ZNF766: variants seen among roughly 807,000 people sequenced by gnomAD.
The protein encoded by ZNF766 is zinc finger protein 766.
A neutral mutation model predicts 13.2 loss-of-function variants in ZNF766; 13 were observed. That is an observed-to-expected ratio of 0.98 (90% CI 0.64 to 1.56). The LOEUF (loss-of-function observed/expected upper bound fraction) is 1.56, where lower values mean the gene tolerates loss of function less well. Ranked by LOEUF, ZNF766 falls within the 40% of genes most tolerant of loss-of-function variation. The pLI is 0.00. For missense variants in ZNF766, 521 were observed against 552.2 expected, an observed-to-expected ratio of 0.94 and a Z score of 0.57; for synonymous variants, 178 against 187.6, an observed-to-expected ratio of 0.95 and a Z score of 0.42.
chr19:52,274,196 G>A (rs2657924), intron 1 of ZNF766, among the ~76,000 whole-genome samples: 51,209 of 151,932 alleles, frequency 0.34, 9,765 homozygotes, highest in African/African-American at 0.51. Context: ...TCGGTATCAC[G>A]TAGGATTTGC....
At chr19:52,279,459 G>A (rs539446971) in intron 1 of ZNF766, among the ~76,000 whole-genome samples, 7 of 152,052 alleles carry the variant, frequency 4.6e-5, no homozygotes, top group Non-Finnish European at 8.8e-5. Flanking sequence ...GGGCAGTATG[G>A]TCATTTTAAT....
intron 3 of ZNF766, among the ~76,000 whole-genome samples, chr19:52,285,658 G>A (rs545677532): frequency 2.9e-4 from 44 of 152,322 alleles, no homozygotes; most frequent in Non-Finnish European, 4.7e-4. Context: ...GAAGCTCTTG[G>A]AACCCAGTCC....
In ZNF766 at chr19:52,290,967, C is replaced by A; in HGVS notation, c.1176C>A (p.Phe392Leu). The change falls in exon 4 of 4, where the codon TTC (phenylalanine) becomes TTA (leucine). Residue 392 changes from phenylalanine to leucine, a missense_variant. Coordinates refer to ENST00000439461, the MANE Select transcript of ZNF766 (RefSeq NM_001010851.3). ...PYKCHECGKV[F>L]TQVSHLARHQ... ...AATGTCATGAATGTGGCAAAGTCTT[C>A]ACTCAAGTTTCACATCTTGCACGAC... 6.2e-7 allele frequency: 1 copy of A among 1,614,010 alleles called. No homozygotes were observed. Among genetic ancestry groups the A allele is most frequent in the Non-Finnish European group, 8.5e-7 (1 of 1,179,988 alleles).
At chr19:52,281,516 CAAT>C (rs1981520190) in intron 1 of ZNF766, 1 of 284,392 alleles carries the variant, frequency 3.5e-6, no homozygotes, top group African/African-American at 2.4e-5. Context: ...GAGACTCTGT[CAAT>C]AAAAAAAAAT....
intron 3 of ZNF766, chr19:52,285,056 G>C (rs1312990514): frequency 6.6e-6 from 1 of 152,086 alleles, no homozygotes; most frequent in African/African-American, 2.4e-5. Flanking sequence ...CCATGGCCTG[G>C]TCTTTCTGGG....
At chr19:52,278,397 C>T (rs747945152) in intron 1 of ZNF766, among the ~76,000 whole-genome samples, 6 of 151,940 alleles carry the variant, frequency 3.9e-5, no homozygotes, top group Non-Finnish European at 7.4e-5. Context: ...ATGTCCCTTG[C>T]CCACTTTTTT....
At chr19:52,271,298 C>A (rs1980961738) in intron 1 of ZNF766, among the ~76,000 whole-genome samples, 1 of 152,186 alleles carries the variant, frequency 6.6e-6, no homozygotes, top group South Asian at 2.1e-4. Flanking sequence ...TAACTGGGAT[C>A]TGATTCTATC....
intron 3 of ZNF766, among the ~76,000 whole-genome samples, chr19:52,283,701 A>G (rs1660830421): frequency 6.6e-6 from 1 of 151,852 alleles, no homozygotes; most frequent in African/African-American, 2.4e-5. Context: ...CTTTACCCCC[A>G]CCTGTCACCA....
At position 52,294,565 on chromosome 19, in the gene ZNF766, G is replaced by A. The variant is rs1327555380; in HGVS notation, c.*3367G>A. The A allele has an allele frequency of 1.3e-5, 2 of 152,216 alleles. No homozygotes were observed. Among genetic ancestry groups the A allele is most frequent in the Non-Finnish European group, 2.9e-5 (2 of 68,068 alleles). The allele number at this position is 152,216 out of a possible 1,614,324, so 9.4% of individuals were successfully genotyped here. On this transcript the variant is annotated 3_prime_UTR_variant, in exon 4 of 4. Transcript: ENST00000439461. ...TGATGATTGTTAAGGGATAGGGCTT[G>A]GGCAGGGGTGCCCACTTGTGGTTTG... is the stretch of plus-strand genomic sequence containing the variant.
Position 52,292,423 on chromosome 19 carries a change from C to T in ZNF766, c.*1225C>T, listed in dbSNP as rs761122730. Reference sequence around the variant, plus strand: ...AATAGAGCACGCCATGACTTTAGGACACAGGGATTTTTATGGGAAGAGAGT... The same window carrying T: ...AATAGAGCACGCCATGACTTTAGGATACAGGGATTTTTATGGGAAGAGAGT... On this transcript the variant is annotated 3_prime_UTR_variant, in exon 4 of 4. Transcript: ENST00000439461. 21 of 458,008 alleles carry T rather than the reference C, an allele frequency of 4.6e-5. No individual in the cohort carries two copies. The highest frequency in any genetic ancestry group is 6.9e-5 in the Non-Finnish European group (18 of 259,118). The allele number at this position is 458,008 out of a possible 1,614,324, so 28.4% of individuals were successfully genotyped here. A position where few individuals can be genotyped will look rare whatever the true frequency, so the allele number is the denominator to read the frequency against.
rs1982159759 is a variant in ZNF766 at position 52,291,774 on chromosome 19, AAATT to A, written c.*578_*581del. The A allele has an allele frequency of 5.7e-6, 1 of 176,732 alleles. No homozygotes were observed. The highest frequency in any genetic ancestry group is 2.4e-5 in the African/African-American group (1 of 42,440). The allele number at this position is 176,732 out of a possible 1,614,324, so 10.9% of individuals were successfully genotyped here. A position where few individuals can be genotyped will look rare whatever the true frequency, so the allele number is the denominator to read the frequency against. ...GAGACTCCGTCTCAAAAAAAAAAAA[AAATT>A]ATTTGGGTTTGAAAGGCCAGGGGCA... On this transcript the variant is annotated 3_prime_UTR_variant, in exon 4 of 4. Transcript: ENST00000439461.
intron 1 of ZNF766, chr19:52,281,417 G>T (rs1209333922): frequency 7.2e-6 from 2 of 278,890 alleles, no homozygotes; most frequent in East Asian, 2.8e-4. Context: ...TGCTCGGGAG[G>T]CTGAGGCAGG....
At chr19:52,284,532 T>C (rs1046411188) in intron 3 of ZNF766, among the ~76,000 whole-genome samples, 25 of 152,156 alleles carry the variant, frequency 1.6e-4, no homozygotes, top group African/African-American at 6.0e-4. Flanking sequence ...CACCAAAATG[T>C]GTGGAGATTT....
At position 52,294,775 on chromosome 19, in the gene ZNF766, T is replaced by C. The variant is rs1352024513; in HGVS notation, c.*3577T>C. 1 of 150,316 alleles carries C rather than the reference T, an allele frequency of 6.7e-6. No individual in the cohort carries two copies. Among genetic ancestry groups the C allele is most frequent in the Non-Finnish European group, 1.5e-5 (1 of 67,474 alleles). The allele number at this position is 150,316 out of a possible 1,614,324, so 9.3% of individuals were successfully genotyped here. A position where few individuals can be genotyped will look rare whatever the true frequency, so the allele number is the denominator to read the frequency against. ...CTGCCATCTTGGTTAGGAAAGACTCTGATTTTCTTCATGATAATATCTTAC... is the reference window on the plus strand; with the variant it reads ...CTGCCATCTTGGTTAGGAAAGACTCCGATTTTCTTCATGATAATATCTTAC... On this transcript the variant is annotated 3_prime_UTR_variant, in exon 4 of 4. Transcript: ENST00000439461.
intron 3 of ZNF766, among the ~76,000 whole-genome samples, chr19:52,288,813 T>C (rs1981963976): frequency 6.6e-6 from 1 of 151,696 alleles, no homozygotes. Flanking sequence ...AGATATTTCC[T>C]AATTTTCCTT....
chr19:52,287,901 CA>C, intron 3 of ZNF766: 1 of 345,482 alleles, frequency 2.9e-6, no homozygotes, highest in South Asian at 2.1e-5. Flanking sequence ...AAGGCTTTGT[CA>C]AAAGTCTTAC....
At chr19:52,284,076 C>T (rs1981686959) in intron 3 of ZNF766, among the ~76,000 whole-genome samples, 1 of 152,188 alleles carries the variant, frequency 6.6e-6, no homozygotes, top group African/African-American at 2.4e-5. Context: ...TGTTTTTGCC[C>T]TGCAGTGTTA....
intron 1 of ZNF766, among the ~76,000 whole-genome samples, chr19:52,273,918 C>G (rs1383608823): frequency 6.6e-6 from 1 of 152,214 alleles, no homozygotes. Context: ...TTCCCATTCA[C>G]ATACTCAGGT....
At chr19:52,282,383 C>A in intron 2 of ZNF766, 146 bp downstream of exon 2, 1 of 982,718 alleles carries the variant, frequency 1.0e-6, no homozygotes. Flanking sequence ...TGCCTGTAAT[C>A]CCAGCACTTT....
Sources: gnomAD v4.1 joint callset for allele counts (sites outside exome capture counted in the v4.1 genomes callset) on GRCh38, gnomAD v4.1.1 for gene constraint, MANE v1.5 for transcripts, NCBI Gene and HGNC (gene_info 2026-07-23, HGNC 2026-07-21) for gene names.